Variants in HECW2 observed in about 807,000 individuals in gnomAD.
HECW2 encodes the protein HECT, C2 and WW domain containing E3 ubiquitin protein ligase 2, also known as E3 ubiquitin-protein ligase HECW2.
In HECW2, 61 loss-of-function variants were observed where a neutral mutation model predicts 175.2. The ratio of observed to expected loss-of-function variants is 0.35; its 90% CI spans 0.28 to 0.43. The LOEUF is 0.43. Ranked by LOEUF, HECW2 falls within the 20% of genes least tolerant of loss-of-function variation. The pLI, the probability that HECW2 is intolerant of heterozygous loss-of-function variation, is 1.00. For missense variants in HECW2, 1,524 were observed against 2,000.5 expected, an observed-to-expected ratio of 0.76 and a Z score of 4.54; for synonymous variants, 671 against 731.0, an observed-to-expected ratio of 0.92 and a Z score of 1.32.
chr2:196,343,830 A>G, intron 2 of HECW2, 66 bp from the exon 3 acceptor site: 2 of 981,670 alleles, frequency 2.0e-6, no homozygotes, highest in Non-Finnish European at 3.2e-6. Context: ...AGGAAGATTA[A>G]CATAAGTTCT....
At chr2:196,296,903 T>G (rs1215232094) in intron 13 of HECW2, among the ~76,000 whole-genome samples, 1 of 152,234 alleles carries the variant, frequency 6.6e-6, no homozygotes, top group Non-Finnish European at 1.5e-5. Flanking sequence ...GAAAATATTT[T>G]CCTTTGTTCT....
At chr2:196,464,980 G>A (rs1696893407) in intron 1 of HECW2, among the ~76,000 whole-genome samples, 9 of 152,074 alleles carry the variant, frequency 5.9e-5, no homozygotes, top group Admixed American at 5.2e-4. Context: ...AGGTGGAGGT[G>A]AGCCGAAATC....
intron 17 of HECW2, among the ~76,000 whole-genome samples, chr2:196,260,735 A>G (rs1349382309): frequency 1.3e-5 from 2 of 152,204 alleles, no homozygotes; most frequent in Admixed American, 1.3e-4. Context: ...GACGTCCTGG[A>G]AATGTCACCA....
intron 14 of HECW2, chr2:196,289,179 GAA>G (rs1274223260): frequency 6.6e-6 from 1 of 152,220 alleles, no homozygotes; most frequent in East Asian, 1.9e-4. Context: ...TTACACTAGA[GAA>G]GAGGAGATGG....
intron 1 of HECW2, among the ~76,000 whole-genome samples, chr2:196,559,756 T>C (rs542935155): frequency 1.3e-5 from 2 of 152,190 alleles, no homozygotes; most frequent in East Asian, 3.8e-4. Context: ...GCTAGTAAAA[T>C]GACTACAAAA....
rs1686835930 is a variant in HECW2 at position 196,200,999 on chromosome 2, T to C, written c.*278A>G. ...GGAGCTGATCATGTATGGGTTCATC[T>C]TTGTCTTGGAACATAACAAATGGAA... On this transcript the variant is annotated 3_prime_UTR_variant, in exon 29 of 29. Transcript: ENST00000644978. 3.1e-6 allele frequency: 1 copy of C among 318,850 alleles called. No homozygotes were observed. Among genetic ancestry groups the C allele is most frequent in the Non-Finnish European group, 6.1e-6 (1 of 164,050 alleles). 19.8% of individuals were successfully genotyped at this position (318,850 alleles called of 1,614,324 possible).
chr2:196,262,085 G>C (rs1470426106), intron 17 of HECW2, among the ~76,000 whole-genome samples: 1 of 152,206 alleles, frequency 6.6e-6, no homozygotes, highest in African/African-American at 2.4e-5. Context: ...GAGTGCAGTG[G>C]TACAATCATA....
chr2:196,558,260 G>A (rs1352910971), intron 1 of HECW2, among the ~76,000 whole-genome samples: 1 of 152,164 alleles, frequency 6.6e-6, no homozygotes, highest in East Asian at 1.9e-4. Context: ...ATGGGCTATG[G>A]GTTCAGATTC....
At chr2:196,219,205 T>A (rs948837494) in intron 26 of HECW2, among the ~76,000 whole-genome samples, 1 of 152,244 alleles carries the variant, frequency 6.6e-6, no homozygotes, top group Non-Finnish European at 1.5e-5. Context: ...CTCTTATACT[T>A]TGAGTTAAAA....
At position 196,442,363 on chromosome 2, in the gene HECW2, C is replaced by T. The variant is rs554484327; in HGVS notation, c.-35-8905G>A. Among the ~76,000 whole-genome samples the T allele has an allele frequency of 5.3e-5, 8 of 152,256 alleles. No individual in the cohort carries two copies. The South Asian group carries it at 1.7e-3, about 32-fold the overall frequency. On this transcript the variant is annotated intron_variant, in intron 1 of 28. Transcript: ENST00000644978. ...CAAGTGAAAATGCAGTGAGAAACAACACTCATATGTTGCTGAGAGGATAGT... is the reference window on the plus strand; with the variant it reads ...CAAGTGAAAATGCAGTGAGAAACAATACTCATATGTTGCTGAGAGGATAGT...
chr2:196,254,609 C>T (rs985089633), intron 18 of HECW2, among the ~76,000 whole-genome samples: 2 of 152,192 alleles, frequency 1.3e-5, no homozygotes, highest in East Asian at 3.8e-4. Flanking sequence ...CTTCTCCATA[C>T]TGAAATGTCT....
At chr2:196,292,864 G>T in intron 13 of HECW2, 114 bp from the exon 14 acceptor site, 1 of 792,416 alleles carries the variant, frequency 1.3e-6, no homozygotes, top group Non-Finnish European at 2.0e-6. Flanking sequence ...GCATATATAA[G>T]CTTTGACAGA....
intron 19 of HECW2, among the ~76,000 whole-genome samples, chr2:196,245,255 G>C (rs1688604604): frequency 6.6e-6 from 1 of 152,206 alleles, no homozygotes; most frequent in Non-Finnish European, 1.5e-5. Context: ...TTACACAGGG[G>C]ATCTTGAGAA....
chr2:196,269,747 A>G (rs1689658781), intron 17 of HECW2, among the ~76,000 whole-genome samples: 1 of 152,190 alleles, frequency 6.6e-6, no homozygotes, highest in Admixed American at 6.5e-5. Context: ...TCAAAACACA[A>G]AAGTCATAAA....
rs183734215 is a variant in HECW2 at position 196,280,418 on chromosome 2, A to T, written c.3001-1756T>A. On this transcript the variant is annotated intron_variant, in intron 14 of 28. Coordinates refer to ENST00000644978, the MANE Select transcript of HECW2 (RefSeq NM_001348768.2). ...ATATGGAACTCTATGTACATCATCA[A>T]GAAATGGGGCAGGTCCCATATAGAA... is the stretch of plus-strand genomic sequence containing the variant. 9.2e-5 allele frequency among the ~76,000 whole-genome samples: 14 copies of T among 152,340 alleles called. No homozygotes were observed. In the East Asian group the frequency reaches 2.5e-3, roughly 27 times the overall value.
intron 2 of HECW2, among the ~76,000 whole-genome samples, chr2:196,414,918 C>T (rs1170348338): frequency 6.6e-6 from 1 of 152,196 alleles, no homozygotes; most frequent in African/African-American, 2.4e-5. Flanking sequence ...CTGCAGACAG[C>T]ACTCATGAAG....
chr2:196,296,184 T>C (rs1480538481), intron 13 of HECW2, among the ~76,000 whole-genome samples: 1 of 152,212 alleles, frequency 6.6e-6, no homozygotes, highest in Non-Finnish European at 1.5e-5. Context: ...TTTATATATC[T>C]ATAGTTTGGG....
chr2:196,313,137 T>C lies in HECW2; in HGVS notation c.2434+4137A>G, dbSNP rs528903588. On this transcript the variant is annotated intron_variant, in intron 10 of 28. Coordinates refer to ENST00000644978, the MANE Select transcript of HECW2 (RefSeq NM_001348768.2). Reference sequence around the variant, plus strand: ...TACCATTTTGGGGGAAAAACGTTTATACAACAATTCCATATTGTCTCCAAT... The same window carrying C: ...TACCATTTTGGGGGAAAAACGTTTACACAACAATTCCATATTGTCTCCAAT... 7.9e-5 allele frequency among the ~76,000 whole-genome samples: 12 copies of C among 152,298 alleles called. No individual in the cohort carries two copies. In the South Asian group the frequency reaches 2.3e-3, roughly 29 times the overall value.
chr2:196,309,732 C>T (rs922703796), intron 10 of HECW2, among the ~76,000 whole-genome samples: 3 of 151,930 alleles, frequency 2.0e-5, no homozygotes, highest in African/African-American at 7.3e-5. Context: ...TACAGTAGTC[C>T]CAATTTTAAA....
Sources: allele counts gnomAD v4.1 joint callset (sites outside exome capture counted in the v4.1 genomes callset), GRCh38; gene constraint gnomAD v4.1.1; transcripts MANE v1.5; gene names NCBI Gene and HGNC (gene_info 2026-07-23, HGNC 2026-07-21).